The following CSMD2 variants were observed in gnomAD, a reference collection of about 807,000 sequenced individuals.
The protein encoded by CSMD2 is CUB and sushi domain-containing protein 2.
Under a neutral mutation model 398.5 loss-of-function variants are expected in CSMD2, and 130 were observed. That is an observed-to-expected ratio of 0.33 (90% CI 0.28 to 0.38). The LOEUF is 0.38. CSMD2 is among the 10% of genes least tolerant of loss of function. The pLI, the probability that CSMD2 is intolerant of heterozygous loss-of-function variation, is 1.00. For synonymous variants in CSMD2, 1,828 were observed against 1,908.5 expected, an observed-to-expected ratio of 0.96 and a Z score of 1.10; for missense variants, 3,829 against 4,764.9, an observed-to-expected ratio of 0.80 and a Z score of 5.78.
intron 3 of CSMD2, among the ~76,000 whole-genome samples, chr1:34,017,975 G>A (rs1328510846): frequency 6.6e-6 from 1 of 152,016 alleles, no homozygotes; most frequent in African/African-American, 2.4e-5. Context: ...TCTGATTTTG[G>A]TTTTTCTCCC....
In CSMD2 at chr1:33,525,026, C is replaced by A; in HGVS notation, c.10252G>T (p.Ala3418Ser). 1 of 1,614,096 alleles carries A rather than the reference C, an allele frequency of 6.2e-7. No individual in the cohort carries two copies. Among genetic ancestry groups the A allele is most frequent in the African/African-American group, 1.3e-5 (1 of 75,046 alleles). Residue 3418 changes from alanine to serine, a missense_variant, in exon 66 of 71, where the codon GCC becomes TCC. Coordinates refer to ENST00000373381, the MANE Select transcript of CSMD2 (RefSeq NM_001281956.2). ...TQALIPGDVF[A>S]KNSLWKGAYE... The stretch of plus-strand genomic sequence containing the variant: ...GCCCCTTTCCACAGGGAATTCTTGG[C>A]AAAAACATCCCCAGGAACTAGAGGA...
At position 33,519,758 on chromosome 1, in the gene CSMD2, A is replaced by G. The variant is rs1654089609; in HGVS notation, c.10736+54T>C. The G allele has an allele frequency of 6.2e-7, 1 of 1,612,426 alleles. No individual in the cohort carries two copies. The highest frequency in any genetic ancestry group is 8.5e-7 in the Non-Finnish European group (1 of 1,178,886). ...AGGGGTCTGGTGCGGGGGGCCCTGG[A>G]GGGAGAGAGGGAGGCCTGCCTGATG... is the stretch of plus-strand genomic sequence containing the variant. On this transcript the variant is annotated intron_variant, in intron 69 of 70. Coordinates refer to ENST00000373381, the MANE Select transcript of CSMD2 (RefSeq NM_001281956.2). This position sits in a 1 kb window ranked among gnomAD's most constrained non-coding sequence, Gnocchi z 5.6.
intron 3 of CSMD2, among the ~76,000 whole-genome samples, chr1:33,993,085 TG>T (rs1378154082): frequency 1.3e-5 from 2 of 152,188 alleles, no homozygotes; most frequent in Non-Finnish European, 2.9e-5. Context: ...CACATGTATG[TG>T]TCTCTATATA....
intron 5 of CSMD2, among the ~76,000 whole-genome samples, chr1:33,913,186 T>C (rs1382537772): frequency 1.3e-5 from 2 of 152,188 alleles, no homozygotes; most frequent in Admixed American, 6.5e-5. Context: ...CTATCCATAA[T>C]GTGCTTGCCA....
chr1:33,582,578 C>G (rs1035612047), intron 47 of CSMD2, among the ~76,000 whole-genome samples: 5 of 152,134 alleles, frequency 3.3e-5, no homozygotes, highest in African/African-American at 9.7e-5. Flanking sequence ...CCCAAAAGAC[C>G]TACTACTGTT....
At chr1:33,993,582 C>G (rs1317871983) in intron 3 of CSMD2, among the ~76,000 whole-genome samples, 1 of 152,152 alleles carries the variant, frequency 6.6e-6, no homozygotes, top group Non-Finnish European at 1.5e-5. Context: ...CTCGTCACTT[C>G]TTTTTTCCTT....
At chr1:33,925,415 A>T (rs929461880) in intron 4 of CSMD2, among the ~76,000 whole-genome samples, 3 of 152,086 alleles carry the variant, frequency 2.0e-5, no homozygotes, top group African/African-American at 7.2e-5. Context: ...GTCTGTTTTT[A>T]TACTAATACC....
At chr1:34,110,919 G>T (rs1368936277) in intron 1 of CSMD2, among the ~76,000 whole-genome samples, 1 of 152,034 alleles carries the variant, frequency 6.6e-6, no homozygotes, top group Non-Finnish European at 1.5e-5. Flanking sequence ...AAAATAAAAT[G>T]AAATAAAATA....
At chr1:34,021,938 T>C (rs1482766566) in intron 3 of CSMD2, among the ~76,000 whole-genome samples, 1 of 152,224 alleles carries the variant, frequency 6.6e-6, no homozygotes, top group Non-Finnish European at 1.5e-5. Flanking sequence ...ATGTGTCTTA[T>C]AGTCAATGGC....
Position 33,739,282 on chromosome 1 carries a change from C to A in CSMD2, c.2226G>T (p.Arg742=). ...TGCCCAGCTGGAGGCTGTCCCCAAA[C>A]CGTTTGCCATTTACTGGAACGCCAG... The part of the protein sequence containing the change: ...PDPGVPVNGK[R]FGDSLQLGSS... Residue 742 remains arginine (R), a synonymous_variant, in exon 15 of 71, where the codon CGG becomes CGT. Transcript: ENST00000373381. 1 of 1,614,116 alleles carries A rather than the reference C, an allele frequency of 6.2e-7. No individual in the cohort carries two copies. Among genetic ancestry groups the A allele is most frequent in the Non-Finnish European group, 8.5e-7 (1 of 1,179,982 alleles).
intron 29 of CSMD2, among the ~76,000 whole-genome samples, chr1:33,638,151 C>T (rs2148922562): frequency 6.6e-6 from 1 of 152,264 alleles, no homozygotes; most frequent in African/African-American, 2.4e-5. Flanking sequence ...CGTCACAGGG[C>T]ACTCCTCAGT....
At chr1:33,680,147 CCTTTTT>C (rs1426565022) in intron 25 of CSMD2, among the ~76,000 whole-genome samples, 2 of 66,214 alleles carry the variant, frequency 3.0e-5, no homozygotes, top group East Asian at 3.9e-4. Context: ...GATGGCCTCG[CCTTTTT>C]TTTTTTTTTT....
intron 1 of CSMD2, among the ~76,000 whole-genome samples, chr1:34,111,362 C>T (rs557393847): frequency 7.9e-4 from 121 of 152,302 alleles, no homozygotes; most frequent in African/African-American, 2.9e-3. Flanking sequence ...TGCCACTTGC[C>T]CATGACTTCC....
intron 2 of CSMD2, among the ~76,000 whole-genome samples, chr1:34,040,032 G>A (rs991594479): frequency 2.0e-5 from 3 of 151,868 alleles, no homozygotes; most frequent in African/African-American, 7.3e-5. Flanking sequence ...TGGTTACTCA[G>A]CTAAACTTGT....
chr1:33,844,087 T>C (rs1661125758), intron 6 of CSMD2, among the ~76,000 whole-genome samples: 1 of 152,190 alleles, frequency 6.6e-6, no homozygotes, highest in Admixed American at 6.5e-5. Flanking sequence ...ATTCCTCCTG[T>C]CTCCCGCTGG....
intron 57 of CSMD2, among the ~76,000 whole-genome samples, chr1:33,543,720 C>T (rs1656583433): frequency 6.6e-6 from 1 of 152,220 alleles, no homozygotes; most frequent in Admixed American, 6.5e-5. Context: ...CTTCTTTCTG[C>T]ATTAGCTAGA....
At chr1:33,616,279 C>T (rs1438724758) in intron 39 of CSMD2, among the ~76,000 whole-genome samples, 1 of 152,022 alleles carries the variant, frequency 6.6e-6, no homozygotes, top group Non-Finnish European at 1.5e-5. Flanking sequence ...GCTCTATCAC[C>T]CAGGCTGGAG....
chr1:34,152,187 A>G lies in CSMD2; in HGVS notation c.187+12724T>C, dbSNP rs558470904. On this transcript the variant is annotated intron_variant, in intron 1 of 70. Coordinates refer to ENST00000373381, the MANE Select transcript of CSMD2 (RefSeq NM_001281956.2). ...TAGATGGAAGTTTTGTGATGTTCTCATGGAGGCATGATGAACAGAACCATA... is the reference window on the plus strand; with the variant it reads ...TAGATGGAAGTTTTGTGATGTTCTCGTGGAGGCATGATGAACAGAACCATA... Among the ~76,000 whole-genome samples, 65 of 152,242 alleles carry G rather than the reference A, an allele frequency of 4.3e-4. 2 individuals are homozygous for G. Among genetic ancestry groups the G allele is most frequent in the African/African-American group, 1.4e-3 (58 of 41,546 alleles).
chr1:34,023,203 T>C (rs12048240), intron 3 of CSMD2, among the ~76,000 whole-genome samples: 12,187 of 152,202 alleles, frequency 0.08, 930 homozygotes, highest in East Asian at 0.34. Context: ...AGATCTTTGC[T>C]CCCAAGCATC....
Sources: gnomAD v4.1 joint callset for allele counts (sites outside exome capture counted in the v4.1 genomes callset) on GRCh38, gnomAD v4.1.1 for gene constraint, Gnocchi (gnomAD v3.1) non-coding constraint, MANE v1.5 for transcripts, NCBI Gene and HGNC (gene_info 2026-07-23, HGNC 2026-07-21) for gene names.